PC: variants seen among roughly 807,000 people sequenced by gnomAD.
PC encodes the protein pyruvate carboxylase.
PC carries 46 observed loss-of-function variants against 107.8 expected under a neutral mutation model. The observed-to-expected ratio is 0.43, with a 90% confidence interval of 0.34 to 0.55. The LOEUF is 0.55. Ranked by LOEUF, PC falls within the 20% of genes least tolerant of loss-of-function variation. PC has a pLI of 0.04. For missense variants in PC, 1,241 were observed against 1,643.1 expected (o/e 0.76, Z 4.23); for synonymous variants, 662 against 684.7 (o/e 0.97, Z 0.52).
At chr11:66,899,790 T>C (rs180988412) in intron 3 of PC, among the ~76,000 whole-genome samples, 55 of 152,394 alleles carry the variant, frequency 3.6e-4, no homozygotes, top group Admixed American at 3.5e-3. Flanking sequence ...TTTCTTTTAT[T>C]GCTTGTGCTT....
chr11:66,950,766 A>T (rs1316700791), intron 3 of PC, among the ~76,000 whole-genome samples: 1 of 152,192 alleles, frequency 6.6e-6, no homozygotes, highest in African/African-American at 2.4e-5. Context: ...CAATGGGATC[A>T]GCATCTTGGA....
At chr11:66,913,717 T>C (rs1479184781) in intron 3 of PC, among the ~76,000 whole-genome samples, 1 of 151,040 alleles carries the variant, frequency 6.6e-6, no homozygotes, top group Non-Finnish European at 1.5e-5. Flanking sequence ...CTCCCGGAAC[T>C]GGGCCCCAGG....
intron 3 of PC, among the ~76,000 whole-genome samples, chr11:66,941,489 T>C (rs1236229306): frequency 6.6e-6 from 1 of 152,132 alleles, no homozygotes; most frequent in Non-Finnish European, 1.5e-5. Flanking sequence ...CGGAATATCA[T>C]TCAGCCTTTT....
intron 3 of PC, among the ~76,000 whole-genome samples, chr11:66,903,773 A>AATATAT (rs1555039097): frequency 0.012 from 732 of 62,136 alleles, 16 homozygotes; most frequent in South Asian, 0.021. Flanking sequence ...AAAAAAAAAA[A>AATATAT]ATATATATAT....
chr11:66,898,694 G>C (rs901062953), intron 3 of PC, among the ~76,000 whole-genome samples: 1 of 152,150 alleles, frequency 6.6e-6, no homozygotes, highest in African/African-American at 2.4e-5. Context: ...AACAAATAAA[G>C]TGCAATTCAA....
chr11:66,939,366 G>C (rs1949069056), intron 3 of PC, among the ~76,000 whole-genome samples: 1 of 134,970 alleles, frequency 7.4e-6, no homozygotes, highest in South Asian at 2.2e-4. Context: ...GCATCTTGGA[G>C]GATTCTGGCA....
At chr11:66,907,493 C>A (rs1056429685) in intron 3 of PC, among the ~76,000 whole-genome samples, 1 of 152,216 alleles carries the variant, frequency 6.6e-6, no homozygotes, top group Non-Finnish European at 1.5e-5. Flanking sequence ...TACCACCGCA[C>A]TCCAGCCTGG....
intron 3 of PC, among the ~76,000 whole-genome samples, chr11:66,946,489 C>T (rs886068666): frequency 1.3e-5 from 2 of 151,562 alleles, no homozygotes; most frequent in Non-Finnish European, 2.9e-5. Flanking sequence ...ATTAGCTGGG[C>T]CACGCCTGTA....
intron 3 of PC, among the ~76,000 whole-genome samples, chr11:66,889,232 G>A (rs1427862653): frequency 6.6e-6 from 1 of 151,906 alleles, no homozygotes; most frequent in Non-Finnish European, 1.5e-5. Context: ...CATCAAAGGA[G>A]ACCACTAAAC....
chr11:66,949,276 G>A (rs1949381210), intron 3 of PC, among the ~76,000 whole-genome samples: 1 of 151,766 alleles, frequency 6.6e-6, no homozygotes, highest in East Asian at 1.9e-4. Context: ...ACAGGCGTGA[G>A]CCACCCACCA....
intron 3 of PC, among the ~76,000 whole-genome samples, chr11:66,892,132 A>C (rs1330962845): frequency 6.6e-6 from 1 of 152,136 alleles, no homozygotes; most frequent in Non-Finnish European, 1.5e-5. Context: ...GGGAATGACA[A>C]GTTGAAGAAG....
At chr11:66,891,660 G>A (rs965631924) in intron 3 of PC, among the ~76,000 whole-genome samples, 12 of 152,210 alleles carry the variant, frequency 7.9e-5, no homozygotes, top group Admixed American at 6.5e-5. Context: ...CCAAAGTGCT[G>A]GGATTACAGG....
At chr11:66,939,920 C>T (rs1431735095) in intron 3 of PC, among the ~76,000 whole-genome samples, 1 of 150,768 alleles carries the variant, frequency 6.6e-6, no homozygotes, top group African/African-American at 2.4e-5. Flanking sequence ...TATCCATGAC[C>T]TAAACATAAG....
intron 3 of PC, among the ~76,000 whole-genome samples, chr11:66,903,744 C>A (rs1948043846): frequency 1.2e-5 from 1 of 86,350 alleles, no homozygotes; most frequent in African/African-American, 5.4e-5. Context: ...TGAGAGACTC[C>A]ATCTCAGGAA....
chr11:66,873,489 ATATATAT>A, intron 3 of PC, among the ~76,000 whole-genome samples: 1 of 51,500 alleles, frequency 1.9e-5, no homozygotes, highest in Non-Finnish European at 3.6e-5. Flanking sequence ...ATATAATATT[ATATATAT>A]TATATAATAT....
intron 12 of PC, among the ~76,000 whole-genome samples, chr11:66,854,659 C>T (rs866149650): frequency 2.0e-5 from 3 of 152,164 alleles, no homozygotes; most frequent in Non-Finnish European, 2.9e-5. Context: ...AACACCTCCA[C>T]GCGTCACTTA....
At position 66,857,800 on chromosome 11, in the gene PC, T is replaced by C. The variant is rs1202068976; in HGVS notation, c.1369-4417A>G. 1 of 1,599,472 alleles carries C rather than the reference T, an allele frequency of 6.3e-7. No homozygotes were observed. Among genetic ancestry groups the C allele is most frequent in the African/African-American group, 1.3e-5 (1 of 74,878 alleles). ...GCCAGTGGAGCGGCCGCCTGCCCGC[T>C]GCCCTGCGTCTGCCAGAACCTGTCC... On this transcript the variant is annotated intron_variant, in intron 12 of 22. Transcript: ENST00000393960. The surrounding 1 kb of genome is among the most constrained non-coding windows in gnomAD (Gnocchi z 7.1).
chr11:66,893,377 G>C (rs1013761063), intron 3 of PC, among the ~76,000 whole-genome samples: 1 of 152,216 alleles, frequency 6.6e-6, no homozygotes, highest in African/African-American at 2.4e-5. Context: ...AGCGTAGACA[G>C]AGTCGCTTCT....
At chr11:66,879,342 G>T (rs140861153) in intron 3 of PC, among the ~76,000 whole-genome samples, 2 of 152,316 alleles carry the variant, frequency 1.3e-5, no homozygotes, top group Non-Finnish European at 2.9e-5. Context: ...ACAGGCCCGA[G>T]GACACCACGT....
Sources: allele counts gnomAD v4.1 joint callset (sites outside exome capture counted in the v4.1 genomes callset), GRCh38; gene constraint gnomAD v4.1.1; non-coding constraint Gnocchi (gnomAD v3.1); transcripts MANE v1.5; gene names NCBI Gene and HGNC (gene_info 2026-07-23, HGNC 2026-07-21).